CAMTA2: variants seen among roughly 807,000 people sequenced by gnomAD.
The protein encoded by CAMTA2 is calmodulin binding transcription activator 2, also known as calmodulin-binding transcription activator 2.
Under a neutral mutation model 135.7 loss-of-function variants are expected in CAMTA2, and 56 were observed. The ratio of observed to expected loss-of-function variants is 0.41; its 90% CI spans 0.33 to 0.52. The LOEUF is 0.52. Ranked by LOEUF, CAMTA2 falls within the 20% of genes least tolerant of loss-of-function variation. The probability of loss-of-function intolerance (pLI) is 0.16; values close to 1 mark genes in which losing one functional copy is unlikely to be tolerated. For synonymous variants in CAMTA2, 591 were observed against 604.6 expected (o/e 0.98, Z 0.33); for missense variants, 1,358 against 1,553.4 (o/e 0.87, Z 2.11).
At chr17:4,974,541 G>C (rs373308880) in intron 11 of CAMTA2, 41 bp from the exon 12 acceptor site, 10 of 1,258,768 alleles carry the variant, frequency 7.9e-6, no homozygotes, top group African/African-American at 1.5e-5. Context: ...GGGCAGTCTA[G>C]GTGATGCCCT....
chr17:4,972,919 T>G lies in CAMTA2; in HGVS notation c.2353A>C (p.Ile785Leu), dbSNP rs916437672. The G allele has an allele frequency of 1.1e-5, 18 of 1,613,768 alleles. No individual in the cohort carries two copies. Among genetic ancestry groups the G allele is most frequent in the Non-Finnish European group, 1.5e-5 (18 of 1,180,036 alleles). ...GGCAGACGGCCCAGAGAGTCGGGAA[T>G]GCTCAGTGCCTGTCGGTTCCAACGG... ...LFRWNRQALS[I>L]PDSLGRLPLS... is the part of the protein sequence containing the mutation. Residue 785 changes from isoleucine to leucine, a missense_variant, in exon 15 of 23, where the codon ATT becomes CTT. Physicochemically the swap from Ile to Leu is conservative, Grantham distance 5. Around this residue, in one of 4 missense-constraint regions of CAMTA2, gnomAD observed 1,077 missense variants for 1,127.5 expected, o/e 0.96. Coordinates refer to ENST00000348066, the MANE Select transcript of CAMTA2 (RefSeq NM_015099.4).
At position 4,972,319 on chromosome 17, in the gene CAMTA2, GA is replaced by G; in HGVS notation, c.2720del (p.Leu907ProfsTer28). On this transcript the variant is annotated frameshift_variant, in exon 16 of 23. Transcript: ENST00000348066. LOFTEE classifies it high-confidence loss of function. Reference sequence around the variant, plus strand: ...CTGGTGGGAGGGCAGGAAGGGAGGAGAGGGGCCCCTTGGAGTTGGTAGCCTC... The same window carrying G: ...CTGGTGGGAGGGCAGGAAGGGAGGAGGGGGCCCCTTGGAGTTGGTAGCCTC... ...DYEATNSKGP[L>X]SSLPALPPAS... 6.2e-7 allele frequency: 1 copy of G among 1,613,856 alleles called. No homozygotes were observed. Among genetic ancestry groups the G allele is most frequent in the Non-Finnish European group, 8.5e-7 (1 of 1,179,844 alleles).
In CAMTA2 at chr17:4,982,135, G is replaced by C; in HGVS notation, c.365C>G (p.Ser122Cys). The change falls in exon 6 of 23, where the codon TCT becomes TGT. Residue 122 changes from serine to cysteine, a missense_variant. Physicochemically the swap from Ser to Cys is moderately radical, Grantham distance 112. Transcript: ENST00000348066. The part of the protein sequence containing the change: ...MECLYGCYVH[S>C]SIVPTFHRRC... Reference sequence around the variant, plus strand: ...CCGATGGAATGTGGGGACGATGGAAGAGTGAACGTAGCAGCCATAGAGACA... The same window carrying C: ...CCGATGGAATGTGGGGACGATGGAACAGTGAACGTAGCAGCCATAGAGACA... 6.3e-7 allele frequency: 1 copy of C among 1,591,032 alleles called. No individual in the cohort carries two copies. Among genetic ancestry groups the C allele is most frequent in the Non-Finnish European group, 8.6e-7 (1 of 1,167,124 alleles).
chr17:4,978,530 G>C lies in CAMTA2; in HGVS notation c.1739C>G (p.Pro580Arg). 1 of 1,614,142 alleles carries C rather than the reference G, an allele frequency of 6.2e-7. No individual in the cohort carries two copies. Among genetic ancestry groups the C allele is most frequent in the Non-Finnish European group, 8.5e-7 (1 of 1,179,984 alleles). Residue 580 changes from proline (P) to arginine (R), a missense_variant, in exon 10 of 23, where the codon CCT becomes CGT. Pro to Arg is a moderately radical substitution (Grantham distance 103). This residue lies in a region of CAMTA2 where 1,077 missense variants were observed against 1,127.5 expected (regional missense o/e 0.96). Transcript: ENST00000348066. ...GGGACAGTAGCAGCGTAAGACACCA[G>C]GCTGGACAAGTGAGGCTGGCACTGC... Reference protein sequence around the residue: ...HIAVPASLVQPGVLRCYCPAH... With the variant: ...HIAVPASLVQRGVLRCYCPAH...
intron 17 of CAMTA2, 116 bp from the exon 18 acceptor site, chr17:4,970,201 TTCA>T: frequency 7.2e-7 from 1 of 1,390,820 alleles, no homozygotes; most frequent in Non-Finnish European, 1.0e-6. Flanking sequence ...GACTTCAGAG[TTCA>T]TCAGCCAGTT....
At chr17:4,981,960 G>A in intron 6 of CAMTA2, 129 bp from the exon 7 acceptor site, 1 of 1,268,286 alleles carries the variant, frequency 7.9e-7, no homozygotes, top group South Asian at 1.3e-5. Context: ...CCATCCCCAA[G>A]CCCCTTTCTC....
intron 10 of CAMTA2, among the ~76,000 whole-genome samples, chr17:4,978,176 A>G (rs1972734574): frequency 6.6e-6 from 1 of 152,228 alleles, no homozygotes; most frequent in Non-Finnish European, 1.5e-5. Context: ...TAAGCCAGAA[A>G]GCCTGGACAG....
chr17:4,985,742 C>T, intron 3 of CAMTA2, 138 bp downstream of exon 3: 1 of 631,820 alleles, frequency 1.6e-6, no homozygotes, highest in Admixed American at 2.7e-5. Context: ...TGTTTTTATA[C>T]CTCTCCTAGG....
In CAMTA2 at chr17:4,969,826, T is replaced by C. The variant is rs1972154651; in HGVS notation, c.3189+76A>G. The C allele has an allele frequency of 1.3e-6, 2 of 1,593,470 alleles. No homozygotes were observed. Among genetic ancestry groups the C allele is most frequent in the Admixed American group, 1.7e-5 (1 of 59,626 alleles). Reference sequence around the variant, plus strand: ...CAAGGCCTGTCTGCACGACTACTCATCCTCCAAAAGCCCTGGGAGCCCAGT... The same window carrying C: ...CAAGGCCTGTCTGCACGACTACTCACCCTCCAAAAGCCCTGGGAGCCCAGT... On this transcript the variant is annotated intron_variant, in intron 18 of 22. Transcript: ENST00000348066. The surrounding 1 kb of genome is among the most constrained non-coding windows in gnomAD (Gnocchi z 5.6).
At chr17:4,977,295 G>C in intron 10 of CAMTA2, 103 bp from the exon 11 acceptor site, 1 of 1,432,788 alleles carries the variant, frequency 7.0e-7, no homozygotes, top group Non-Finnish European at 9.4e-7. Context: ...TTCCCCTACT[G>C]CCCTGCTGTG....
chr17:4,973,678 A>G lies in CAMTA2; in HGVS notation c.2108T>C (p.Leu703Pro). The change falls in exon 13 of 23, where the codon CTG becomes CCG. Residue 703 changes from leucine to proline, a missense_variant. By Grantham distance (98) the Leu-to-Pro change is moderately conservative. Around this residue, in one of 4 missense-constraint regions of CAMTA2, gnomAD observed 1,077 missense variants for 1,127.5 expected, o/e 0.96. Coordinates refer to ENST00000348066, the MANE Select transcript of CAMTA2 (RefSeq NM_015099.4). ...PRSTWKGPER[L>P]AHGSPFRGMS... The stretch of plus-strand genomic sequence containing the variant: ...GCCCCGGAAGGGGCTTCCATGGGCC[A>G]GACGTTCAGGACCCTTCCAGGTGGA... 1.2e-6 allele frequency: 2 copies of G among 1,614,230 alleles called. No homozygotes were observed. Among genetic ancestry groups the G allele is most frequent in the Non-Finnish European group, 1.7e-6 (2 of 1,180,028 alleles).
chr17:4,974,986 G>GC (rs1305457566), intron 11 of CAMTA2, among the ~76,000 whole-genome samples: 1 of 152,052 alleles, frequency 6.6e-6, no homozygotes, highest in African/African-American at 2.4e-5. Flanking sequence ...CTTCCTCCCA[G>GC]CCCCCCGCAG....
Position 4,986,291 on chromosome 17 carries a change from GA to G in CAMTA2, c.-64-6del. On this transcript the variant is annotated splice_polypyrimidine_tract_variant and splice_region_variant and intron_variant, in intron 1 of 22. Transcript: ENST00000348066. ...CGGGGGGAGGGGGAGTCTGTGCTGG[GA>G]AGGGAGAGAACAAGGTCATGGCAGA... The G allele has an allele frequency of 8.0e-7, 1 of 1,253,356 alleles. No individual in the cohort carries two copies. Among genetic ancestry groups the G allele is most frequent in the Non-Finnish European group, 1.1e-6 (1 of 871,884 alleles). The allele number at this position is 1,253,356 out of a possible 1,614,324, so 77.6% of individuals were successfully genotyped here.
chr17:4,974,217 T>G (rs900631150), intron 12 of CAMTA2, 168 bp downstream of exon 12: 4 of 597,498 alleles, frequency 6.7e-6, no homozygotes, highest in East Asian at 2.9e-5. Context: ...GAATAGCCAC[T>G]CTTGCCACAA....
chr17:4,979,531 A>C, intron 9 of CAMTA2, 153 bp downstream of exon 9: 1 of 347,544 alleles, frequency 2.9e-6, no homozygotes. Flanking sequence ...AAAAAAAAAG[A>C]GAGAGATTAG....
rs1337852355 is a variant in CAMTA2, at chr17:4,969,748, A to G, written c.3190-47T>C. 6.2e-7 allele frequency: 1 copy of G among 1,610,142 alleles called. No homozygotes were observed. Among genetic ancestry groups the G allele is most frequent in the African/African-American group, 1.3e-5 (1 of 74,828 alleles). On this transcript the variant is annotated intron_variant, in intron 18 of 22. Coordinates refer to ENST00000348066, the MANE Select transcript of CAMTA2 (RefSeq NM_015099.4). This position sits in a 1 kb window ranked among gnomAD's most constrained non-coding sequence, Gnocchi z 5.6. Reference sequence around the variant, plus strand: ...CACCTCATGACCCACATAATGGCATATCTGACTTGTCCCTTCAACTTTCCT... The same window carrying G: ...CACCTCATGACCCACATAATGGCATGTCTGACTTGTCCCTTCAACTTTCCT...
At chr17:4,977,275 C>G (rs1401716932) in intron 10 of CAMTA2, 83 bp from the exon 11 acceptor site, 1 of 1,535,266 alleles carries the variant, frequency 6.5e-7, no homozygotes, top group African/African-American at 1.4e-5. Context: ...GACAATTATT[C>G]CATAGTTATT....
chr17:4,974,376 CAGA>C lies in CAMTA2; in HGVS notation c.2016+6_2016+8del, dbSNP rs750041319. On this transcript the variant is annotated splice_donor_region_variant and intron_variant, in intron 12 of 22. Transcript: ENST00000348066. Reference sequence around the variant, plus strand: ...CCACCGTAGACCACCTCCCTCCTCACAGAAGTACCTGAACTGGAGGAGCATCAG... The same window carrying C: ...CCACCGTAGACCACCTCCCTCCTCACAGTACCTGAACTGGAGGAGCATCAG... 2 of 1,581,278 alleles carry C rather than the reference CAGA, an allele frequency of 1.3e-6. No individual in the cohort carries two copies. The highest frequency in any genetic ancestry group is 2.2e-5 in the South Asian group (2 of 90,416).
chr17:4,970,886 A>G (rs1376711833), intron 16 of CAMTA2, among the ~76,000 whole-genome samples: 7 of 151,988 alleles, frequency 4.6e-5, no homozygotes, highest in Non-Finnish European at 7.4e-5. Flanking sequence ...GGCTGTGCCC[A>G]CCCCCAGCTC....
Sources: gnomAD v4.1 joint callset for allele counts (sites outside exome capture counted in the v4.1 genomes callset) on GRCh38, gnomAD v4.1.1 for gene constraint, gnomAD v4.1.1 regional missense constraint, Gnocchi (gnomAD v3.1) non-coding constraint, MANE v1.5 for transcripts, NCBI Gene and HGNC (gene_info 2026-07-23, HGNC 2026-07-21) for gene names.